ATP1B3: variants seen among roughly 807,000 people sequenced by gnomAD.
ATP1B3 encodes the protein sodium/potassium-transporting ATPase subunit beta-3.
A neutral mutation model predicts 30.2 loss-of-function variants in ATP1B3; 10 were observed. The observed-to-expected ratio is 0.33, with a 90% CI of 0.20 to 0.56. The LOEUF is 0.56. ATP1B3 is among the 20% of genes least tolerant of loss of function. The probability of loss-of-function intolerance (pLI) is 0.90; values close to 1 mark genes in which losing one functional copy is unlikely to be tolerated. For synonymous variants in ATP1B3, 113 were observed against 117.0 expected, an observed-to-expected ratio of 0.97 and a Z score of 0.22; for missense variants, 238 against 336.7, an observed-to-expected ratio of 0.71 and a Z score of 2.29.
chr3:141,882,013 A>G (rs1404350863), intron 1 of ATP1B3, among the ~76,000 whole-genome samples: 1 of 152,184 alleles, frequency 6.6e-6, no homozygotes. Context: ...GAGTGCTTTA[A>G]GATTATTAAA....
chr3:141,881,830 G>T (rs554278138), intron 1 of ATP1B3, among the ~76,000 whole-genome samples: 2 of 152,110 alleles, frequency 1.3e-5, no homozygotes, highest in African/African-American at 4.8e-5. Context: ...GGCTATAAAC[G>T]CAGGCCAATG....
At chr3:141,915,119 G>A (rs1934430781) in intron 4 of ATP1B3, among the ~76,000 whole-genome samples, 1 of 152,164 alleles carries the variant, frequency 6.6e-6, no homozygotes, top group Non-Finnish European at 1.5e-5. Context: ...AGAAAGCCAG[G>A]AGAGGATCAA....
rs2107782267 is a variant in ATP1B3 at position 141,926,322 on chromosome 3, G to T, written c.*621G>T. 6.6e-6 allele frequency: 1 copy of T among 151,436 alleles called. No individual in the cohort carries two copies. Among genetic ancestry groups the T allele is most frequent in the Admixed American group, 6.6e-5 (1 of 15,228 alleles). 9.4% of individuals were successfully genotyped at this position (151,436 alleles called of 1,614,324 possible). The stretch of plus-strand genomic sequence containing the variant: ...AAAAAAAAACTGGGATTAATTTTTA[G>T]TGTTGGAACTGCCTCTTATTTTAGG... On this transcript the variant is annotated 3_prime_UTR_variant, in exon 7 of 7. Transcript: ENST00000286371.
At chr3:141,894,227 T>A (rs534397779) in intron 1 of ATP1B3, among the ~76,000 whole-genome samples, 5 of 152,350 alleles carry the variant, frequency 3.3e-5, no homozygotes, top group African/African-American at 4.8e-5. Context: ...TACTGTACCC[T>A]ACTGTAGACT....
In ATP1B3 at chr3:141,876,823, TC is replaced by T; in HGVS notation, c.25del (p.Leu9SerfsTer30). ...CACCATGACGAAGAACGAGAAGAAGTCCCTCAACCAGAGCCTGGCCGAGTGG... is the reference window on the plus strand; with the variant it reads ...CACCATGACGAAGAACGAGAAGAAGTCCTCAACCAGAGCCTGGCCGAGTGG... MTKNEKKSLNQSLAEWKL... is the reference protein window; with the variant it reads MTKNEKKXLNQSLAEWKL... On this transcript the variant is annotated frameshift_variant, in exon 1 of 7. Transcript: ENST00000286371. LOFTEE classifies it high-confidence loss of function. 6.3e-7 allele frequency: 1 copy of T among 1,587,254 alleles called. No individual in the cohort carries two copies. Among genetic ancestry groups the T allele is most frequent in the Non-Finnish European group, 8.6e-7 (1 of 1,166,436 alleles).
intron 1 of ATP1B3, among the ~76,000 whole-genome samples, chr3:141,901,324 GC>G (rs1934160420): frequency 6.6e-6 from 1 of 152,180 alleles, no homozygotes; most frequent in Non-Finnish European, 1.5e-5. Context: ...TAATTTAACT[GC>G]CATTTTACAC....
chr3:141,900,834 G>C (rs1478132540), intron 1 of ATP1B3, among the ~76,000 whole-genome samples: 1 of 152,152 alleles, frequency 6.6e-6, no homozygotes, highest in Non-Finnish European at 1.5e-5. Context: ...CCAGGTCGGA[G>C]TGCAGTGGCA....
intron 1 of ATP1B3, among the ~76,000 whole-genome samples, chr3:141,879,414 A>G (rs1386256935): frequency 2.0e-5 from 3 of 152,134 alleles, no homozygotes; most frequent in Admixed American, 6.5e-5. Context: ...AACGGTATGT[A>G]GTGGTGTCTC....
At chr3:141,897,916 G>A (rs560261700) in intron 1 of ATP1B3, among the ~76,000 whole-genome samples, 1 of 152,200 alleles carries the variant, frequency 6.6e-6, no homozygotes, top group South Asian at 2.1e-4. Context: ...CACCATGTTG[G>A]CCAGGCTGGT....
chr3:141,910,218 T>A, intron 3 of ATP1B3, among the ~76,000 whole-genome samples: 1 of 152,156 alleles, frequency 6.6e-6, no homozygotes, highest in Non-Finnish European at 1.5e-5. Context: ...GTGATCCACC[T>A]GCCTCCGCCT....
chr3:141,926,153 T>C lies in ATP1B3; in HGVS notation c.*452T>C, dbSNP rs946027386. On this transcript the variant is annotated 3_prime_UTR_variant, in exon 7 of 7. Coordinates refer to ENST00000286371, the MANE Select transcript of ATP1B3 (RefSeq NM_001679.4). ...AGAAATGTGGTATGTGGAGAAGTTCTGTATGTGAGGAAGGAAAAAAAGAAA... is the reference window on the plus strand; with the variant it reads ...AGAAATGTGGTATGTGGAGAAGTTCCGTATGTGAGGAAGGAAAAAAAGAAA... 2 of 154,316 alleles carry C rather than the reference T, an allele frequency of 1.3e-5. No individual in the cohort carries two copies. The highest frequency in any genetic ancestry group is 4.8e-5 in the African/African-American group (2 of 41,536). The allele number at this position is 154,316 out of a possible 1,614,324, so 9.6% of individuals were successfully genotyped here.
intron 3 of ATP1B3, among the ~76,000 whole-genome samples, chr3:141,907,631 A>G (rs1266682645): frequency 2.0e-5 from 3 of 152,012 alleles, no homozygotes; most frequent in Non-Finnish European, 4.4e-5. Flanking sequence ...ACAAGAGCGA[A>G]ACTCCGTCTC....
At chr3:141,901,115 AT>A (rs1167013494) in intron 1 of ATP1B3, among the ~76,000 whole-genome samples, 4 of 152,150 alleles carry the variant, frequency 2.6e-5, no homozygotes, top group African/African-American at 9.7e-5. Flanking sequence ...TAATAAGGAA[AT>A]TTCTTGAAAG....
chr3:141,879,811 CTTTTTTT>C (rs150389395), intron 1 of ATP1B3, among the ~76,000 whole-genome samples: 10 of 57,944 alleles, frequency 1.7e-4, no homozygotes, highest in Non-Finnish European at 2.4e-4. Context: ...TTGGTAACAG[CTTTTTTT>C]TTTTTTTTTT....
At chr3:141,887,019 A>G (rs904377262) in intron 1 of ATP1B3, among the ~76,000 whole-genome samples, 2 of 152,186 alleles carry the variant, frequency 1.3e-5, no homozygotes, top group South Asian at 4.1e-4. Context: ...AAGAAAAAAG[A>G]CATTGTATGA....
chr3:141,924,526 G>A (rs923810533), intron 6 of ATP1B3, among the ~76,000 whole-genome samples: 1 of 152,144 alleles, frequency 6.6e-6, no homozygotes, highest in Admixed American at 6.5e-5. Context: ...GTGGGCACCC[G>A]TGACTCCAGC....
intron 1 of ATP1B3, among the ~76,000 whole-genome samples, chr3:141,886,908 C>T (rs2115936): frequency 0.036 from 5,495 of 152,224 alleles, 338 homozygotes; most frequent in African/African-American, 0.12. Flanking sequence ...GAGGTTGAGG[C>T]TGGACAATCA....
intron 5 of ATP1B3, among the ~76,000 whole-genome samples, chr3:141,917,330 A>G (rs1254733981): frequency 1.3e-5 from 2 of 152,194 alleles, no homozygotes; most frequent in East Asian, 3.9e-4. Context: ...GGTTGAAATT[A>G]TATGTGTGTG....
intron 2 of ATP1B3, among the ~76,000 whole-genome samples, chr3:141,906,934 C>A (rs1934274421): frequency 6.6e-6 from 1 of 152,010 alleles, no homozygotes; most frequent in Non-Finnish European, 1.5e-5. Context: ...TGTAGATAAC[C>A]AAATTTAGGG....
Sources: gnomAD v4.1 joint callset for allele counts (sites outside exome capture counted in the v4.1 genomes callset) on GRCh38, gnomAD v4.1.1 for gene constraint, MANE v1.5 for transcripts, NCBI Gene and HGNC (gene_info 2026-07-23, HGNC 2026-07-21) for gene names.